SQOR: variants seen among roughly 807,000 people sequenced by gnomAD.
SQOR encodes sulfide:quinone oxidoreductase, mitochondrial.
In SQOR, 39 loss-of-function variants were observed where a neutral mutation model predicts 48.6. The observed-to-expected ratio is 0.80, with a 90% CI of 0.62 to 1.05. The LOEUF is 1.05. Ranked by LOEUF, SQOR falls within the 50% of genes least tolerant of loss-of-function variation. The pLI is 0.00. For missense variants in SQOR, 561 were observed against 559.9 expected, an observed-to-expected ratio of 1.00 and a Z score of -0.02; for synonymous variants, 220 against 206.2, an observed-to-expected ratio of 1.07 and a Z score of -0.57.
intron 5 of SQOR, among the ~76,000 whole-genome samples, chr15:45,674,323 C>G (rs1048439960): frequency 1.3e-4 from 20 of 152,218 alleles, no homozygotes; most frequent in African/African-American, 4.6e-4. Context: ...GCCTGTAATT[C>G]CAGCTACTGG....
chr15:45,641,813 T>C (rs541485916), intron 1 of SQOR, among the ~76,000 whole-genome samples: 2 of 152,342 alleles, frequency 1.3e-5, no homozygotes, highest in African/African-American at 4.8e-5. Context: ...ACATCCTGTC[T>C]TCATTATATT....
At chr15:45,643,533 C>T (rs921325906) in intron 1 of SQOR, among the ~76,000 whole-genome samples, 3 of 152,078 alleles carry the variant, frequency 2.0e-5, no homozygotes, top group African/African-American at 7.2e-5. Context: ...TGTGACCATG[C>T]GAATTTCATG....
At chr15:45,687,580 A>C (rs1340073219) in intron 7 of SQOR, among the ~76,000 whole-genome samples, 2 of 147,196 alleles carry the variant, frequency 1.4e-5, no homozygotes, top group African/African-American at 5.0e-5. Flanking sequence ...TATCTGCTCT[A>C]AAAATACAGC....
chr15:45,688,494 CTTTTCTTT>C, intron 8 of SQOR, 90 bp downstream of exon 8: 1 of 926,238 alleles, frequency 1.1e-6, no homozygotes, highest in Non-Finnish European at 1.6e-6. Flanking sequence ...CACTTTCTGT[CTTTTCTTT>C]TTTTCTGTTT....
chr15:45,673,871 AT>A, intron 5 of SQOR, 70 bp downstream of exon 5: 2 of 1,471,230 alleles, frequency 1.4e-6, no homozygotes, highest in Non-Finnish European at 1.9e-6. Context: ...CAAGAATTCC[AT>A]TTTATCTCTA....
At chr15:45,655,744 C>T (rs942514567) in intron 1 of SQOR, among the ~76,000 whole-genome samples, 24 of 148,036 alleles carry the variant, frequency 1.6e-4, no homozygotes, top group Admixed American at 3.4e-4. Context: ...AGTGCAGTGG[C>T]GCAATCTTGG....
At chr15:45,661,215 G>A (rs1251336256) in intron 2 of SQOR, among the ~76,000 whole-genome samples, 4 of 149,044 alleles carry the variant, frequency 2.7e-5, no homozygotes, top group Non-Finnish European at 5.9e-5. Flanking sequence ...CTGGGAGGTG[G>A]AGGTTGCAGT....
At chr15:45,677,230 T>C (rs1890053946) in intron 6 of SQOR, among the ~76,000 whole-genome samples, 1 of 152,138 alleles carries the variant, frequency 6.6e-6, no homozygotes, top group Non-Finnish European at 1.5e-5. Flanking sequence ...CTCTTTCTTC[T>C]ATCTGCCTTT....
chr15:45,644,501 T>C (rs1162775574), intron 1 of SQOR, among the ~76,000 whole-genome samples: 5 of 152,224 alleles, frequency 3.3e-5, no homozygotes, highest in African/African-American at 1.2e-4. Context: ...CATTTTAATC[T>C]AGATGTATTA....
intron 8 of SQOR, 43 bp from the exon 9 acceptor site, chr15:45,688,996 G>GA: frequency 6.4e-7 from 1 of 1,569,970 alleles, no homozygotes; most frequent in Non-Finnish European, 8.7e-7. Flanking sequence ...ATAGTACCAT[G>GA]AAAAAAATCT....
intron 4 of SQOR, among the ~76,000 whole-genome samples, chr15:45,672,241 A>T (rs1889958098): frequency 6.6e-6 from 1 of 152,114 alleles, no homozygotes; most frequent in African/African-American, 2.4e-5. Flanking sequence ...TGGTTCTTTA[A>T]GATTCTGGGC....
chr15:45,676,658 G>A (rs1595507284), intron 6 of SQOR, among the ~76,000 whole-genome samples: 1 of 152,108 alleles, frequency 6.6e-6, no homozygotes, highest in East Asian at 1.9e-4. Flanking sequence ...GGGCTTCCTC[G>A]AATGCAAGAT....
intron 6 of SQOR, among the ~76,000 whole-genome samples, chr15:45,676,901 C>T (rs562936863): frequency 2.0e-5 from 3 of 152,062 alleles, no homozygotes; most frequent in South Asian, 2.1e-4. Context: ...ATTAGCTGGG[C>T]GTGGTGGCAC....
chr15:45,675,105 C>T (rs904327695), intron 5 of SQOR, among the ~76,000 whole-genome samples: 1 of 152,144 alleles, frequency 6.6e-6, no homozygotes, highest in Non-Finnish European at 1.5e-5. Context: ...GAGACACTTA[C>T]CCACCTGAAT....
Position 45,662,029 on chromosome 15 carries a change from G to A in SQOR, c.309G>A (p.Thr103=), listed in dbSNP as rs762640484. 15 of 1,614,048 alleles carry A rather than the reference G, an allele frequency of 9.3e-6. No individual in the cohort carries two copies. Among genetic ancestry groups the A allele is most frequent in the East Asian group, 8.9e-5 (4 of 44,898 alleles). ...AKQLSSSGRP[T]ASVIPSGVEW... is the part of the protein sequence containing the mutation. Reference sequence around the variant, plus strand: ...AATTGTCCTCATCTGGTCGTCCCACGGCAAGTGTGATTCCATCTGGTGTAG... The same window carrying A: ...AATTGTCCTCATCTGGTCGTCCCACAGCAAGTGTGATTCCATCTGGTGTAG... The change falls in exon 3 of 10, where the codon ACG becomes ACA. Residue 103 remains threonine, a synonymous_variant. Coordinates refer to ENST00000260324, the MANE Select transcript of SQOR (RefSeq NM_021199.4).
chr15:45,648,436 A>C (rs974896738), intron 1 of SQOR, among the ~76,000 whole-genome samples: 1 of 152,220 alleles, frequency 6.6e-6, no homozygotes, highest in Non-Finnish European at 1.5e-5. Flanking sequence ...TTGGCCTCGC[A>C]AAGTGCTGGG....
chr15:45,652,195 A>T (rs1164017137), intron 1 of SQOR, among the ~76,000 whole-genome samples: 1 of 152,046 alleles, frequency 6.6e-6, no homozygotes, highest in Non-Finnish European at 1.5e-5. Flanking sequence ...CTTATTTCTT[A>T]AAAAAGCTGT....
At chr15:45,650,772 T>G (rs2140942638) in intron 1 of SQOR, among the ~76,000 whole-genome samples, 1 of 152,152 alleles carries the variant, frequency 6.6e-6, no homozygotes, top group South Asian at 2.1e-4. Context: ...TTTACAAACC[T>G]TGAGCTAGAC....
intron 2 of SQOR, among the ~76,000 whole-genome samples, chr15:45,661,287 T>C (rs1439940234): frequency 5.0e-5 from 2 of 39,910 alleles, no homozygotes; most frequent in Non-Finnish European, 5.3e-5. Flanking sequence ...CGAGACTCTG[T>C]CTTAAAAAAA....
Sources: gnomAD v4.1 joint callset for allele counts (sites outside exome capture counted in the v4.1 genomes callset) on GRCh38, gnomAD v4.1.1 for gene constraint, MANE v1.5 for transcripts, NCBI Gene and HGNC (gene_info 2026-07-23, HGNC 2026-07-21) for gene names.